Variants in FKBP5 observed in about 807,000 individuals in gnomAD.
The protein encoded by FKBP5 is FKBP prolyl isomerase 5, also known as peptidyl-prolyl cis-trans isomerase FKBP5.
A neutral mutation model predicts 50.5 loss-of-function variants in FKBP5; 23 were observed. The observed-to-expected ratio is 0.46, with a 90% CI of 0.33 to 0.65. The LOEUF (loss-of-function observed/expected upper bound fraction) is 0.65, where lower values mean the gene tolerates loss of function less well. FKBP5 is among the 30% of genes least tolerant of loss of function. The pLI is 0.02. For synonymous variants in FKBP5, 176 were observed against 190.6 expected (o/e 0.92, Z 0.63); for missense variants, 411 against 553.1 (o/e 0.74, Z 2.58).
At chr6:35,591,409 C>A (rs1762816207) in intron 6 of FKBP5, among the ~76,000 whole-genome samples, 189 bp from the exon 7 acceptor site, 1 of 152,176 alleles carries the variant, frequency 6.6e-6, no homozygotes, top group African/African-American at 2.4e-5. Flanking sequence ...TTCTTAGAAA[C>A]CAGGCTAGGT....
intron 5 of FKBP5, among the ~76,000 whole-genome samples, chr6:35,601,119 T>C (rs1763133010): frequency 6.6e-6 from 1 of 152,232 alleles, no homozygotes; most frequent in African/African-American, 2.4e-5. Flanking sequence ...ATAGCTCTTA[T>C]AAATATTTTC....
At chr6:35,677,926 G>T (rs1427048695) in intron 1 of FKBP5, among the ~76,000 whole-genome samples, 1 of 151,994 alleles carries the variant, frequency 6.6e-6, no homozygotes, top group Non-Finnish European at 1.5e-5. Context: ...TGGGACTACA[G>T]GCACGCGCCC....
At chr6:35,631,077 G>C (rs1206163630) in intron 3 of FKBP5, among the ~76,000 whole-genome samples, 1 of 152,160 alleles carries the variant, frequency 6.6e-6, no homozygotes, top group Non-Finnish European at 1.5e-5. Context: ...CTAGTCATCA[G>C]GGAAATGCAA....
intron 1 of FKBP5, among the ~76,000 whole-genome samples, chr6:35,668,428 G>GA: frequency 6.6e-6 from 1 of 152,304 alleles, no homozygotes; most frequent in East Asian, 1.9e-4. Context: ...AATCAATCCT[G>GA]AAAAGAGTCT....
intron 8 of FKBP5, chr6:35,583,001 C>A: frequency 1.1e-6 from 1 of 879,016 alleles, no homozygotes; most frequent in Non-Finnish European, 1.4e-6. Context: ...GCAGGAGGAT[C>A]TCTTAAGTCC....
At chr6:35,700,031 A>C (rs1246705176) in intron 2 of FKBP5, among the ~76,000 whole-genome samples, 1 of 152,082 alleles carries the variant, frequency 6.6e-6, no homozygotes, top group East Asian at 1.9e-4. Flanking sequence ...TGGGCGACAG[A>C]GTGAGACTCT....
intron 5 of FKBP5, among the ~76,000 whole-genome samples, chr6:35,598,701 G>A (rs759915553): frequency 1.5e-4 from 23 of 152,072 alleles, no homozygotes; most frequent in Admixed American, 4.6e-4. Flanking sequence ...GACTGGGCGC[G>A]GTGCTCACGC....
intron 1 of FKBP5, among the ~76,000 whole-genome samples, chr6:35,679,817 G>A (rs185290009): frequency 1.3e-5 from 2 of 152,010 alleles, no homozygotes; most frequent in Non-Finnish European, 2.9e-5. Context: ...GGTAAAATGT[G>A]TATTACTCAG....
At chr6:35,639,874 C>T (rs1764428989) in intron 2 of FKBP5, among the ~76,000 whole-genome samples, 1 of 152,160 alleles carries the variant, frequency 6.6e-6, no homozygotes, top group African/African-American at 2.4e-5. Context: ...CAGAATGCAT[C>T]AGATAATCTT....
chr6:35,625,823 A>G (rs977446614), intron 3 of FKBP5, among the ~76,000 whole-genome samples: 1 of 149,930 alleles, frequency 6.7e-6, no homozygotes, highest in Non-Finnish European at 1.5e-5. Context: ...TCTGTCGCCC[A>G]GGCTGGGGTG....
chr6:35,620,056 T>C, intron 4 of FKBP5, 76 bp downstream of exon 4: 1 of 1,559,150 alleles, frequency 6.4e-7, no homozygotes, highest in Non-Finnish European at 8.8e-7. Context: ...TAGCTCCTTT[T>C]CCCACTGCCT....
Position 35,660,345 on chromosome 6 carries a change from C to T in FKBP5, c.-19-17502G>A, listed in dbSNP as rs534993593. On this transcript the variant is annotated intron_variant, in intron 1 of 10. Transcript: ENST00000357266. Reference sequence around the variant, plus strand: ...GTGCAATGACGCAATCTCAGCTCACCGCAACCCGTGCCTCCCAGGTTCAAG... The same window carrying T: ...GTGCAATGACGCAATCTCAGCTCACTGCAACCCGTGCCTCCCAGGTTCAAG... Among the ~76,000 whole-genome samples the T allele has an allele frequency of 1.2e-3, 90 of 72,564 alleles. 33 individuals carry two copies. The highest frequency in any genetic ancestry group is 0.013 in the Middle Eastern group (2 of 158). The allele number at this position is 72,564 out of a possible 152,430, so 47.6% of individuals were successfully genotyped here.
intron 5 of FKBP5, among the ~76,000 whole-genome samples, chr6:35,609,038 C>T (rs140595164): frequency 1.0e-3 from 156 of 152,266 alleles, no homozygotes; most frequent in African/African-American, 3.3e-3. Context: ...CCTCAAGTGA[C>T]GCCCTCCCAA....
chr6:35,675,319 T>C (rs902479257), intron 1 of FKBP5, among the ~76,000 whole-genome samples: 2 of 152,118 alleles, frequency 1.3e-5, no homozygotes, highest in Admixed American at 1.3e-4. Flanking sequence ...ATTCTACAGA[T>C]ATAGCATTTT....
At chr6:35,624,923 C>G (rs1763950718) in intron 3 of FKBP5, among the ~76,000 whole-genome samples, 1 of 152,124 alleles carries the variant, frequency 6.6e-6, no homozygotes, top group Non-Finnish European at 1.5e-5. Context: ...CTGACGGGAG[C>G]AATGTGTGAG....
intron 1 of FKBP5, among the ~76,000 whole-genome samples, chr6:35,672,178 C>T (rs1165087043): frequency 2.0e-5 from 3 of 151,924 alleles, no homozygotes; most frequent in Non-Finnish European, 4.4e-5. Flanking sequence ...ACTATCTTCT[C>T]GCTTAATAGC....
chr6:35,603,646 T>C lies in FKBP5; in HGVS notation c.509-6242A>G, dbSNP rs566548759. 6.6e-5 allele frequency among the ~76,000 whole-genome samples: 10 copies of C among 152,290 alleles called. No individual in the cohort carries two copies. In the South Asian group the frequency reaches 2.1e-3, roughly 32 times the overall value. ...ATGGCCAATTGGCTGGAATTTTTTT[T>C]TTTTTTGTAACAACAACAACAGCAG... On this transcript the variant is annotated intron_variant, in intron 5 of 10. Transcript: ENST00000357266.
intron 2 of FKBP5, among the ~76,000 whole-genome samples, chr6:35,716,383 T>C (rs1233864103): frequency 1.3e-5 from 2 of 151,550 alleles, no homozygotes; most frequent in Non-Finnish European, 2.9e-5. Flanking sequence ...AAAAACAAAA[T>C]AGGGAAGACA....
chr6:35,683,095 A>G (rs1765717491), intron 1 of FKBP5, among the ~76,000 whole-genome samples: 1 of 147,404 alleles, frequency 6.8e-6, no homozygotes, highest in South Asian at 2.2e-4. Context: ...TAAAAAAAAA[A>G]GTGTGTGTGT....
Sources: gnomAD v4.1 joint callset for allele counts (sites outside exome capture counted in the v4.1 genomes callset) on GRCh38, gnomAD v4.1.1 for gene constraint, MANE v1.5 for transcripts, NCBI Gene and HGNC (gene_info 2026-07-23, HGNC 2026-07-21) for gene names.